Variants in MYRIP observed in about 807,000 individuals in gnomAD.
MYRIP encodes rab effector MyRIP.
Under a neutral mutation model 98.0 loss-of-function variants are expected in MYRIP, and 49 were observed. The observed-to-expected ratio is 0.50, with a 90% confidence interval of 0.40 to 0.63. The LOEUF (loss-of-function observed/expected upper bound fraction) is 0.63. Among genes scored for constraint, MYRIP ranks in the 30% least tolerant of loss-of-function variants. The pLI is 0.00. For missense variants in MYRIP, 1,004 were observed against 1,058.2 expected (o/e 0.95, Z 0.71); for synonymous variants, 404 against 409.5 (o/e 0.99, Z 0.16).
rs1341303765 is a variant in MYRIP at position 40,089,537 on chromosome 3, C to T, written c.332+45266C>T. Reference sequence around the variant, plus strand: ...AGTAACATAGCAGTGGAACTGGAGTCCTAGATAGGCTGTGCCTAAATGCTA... The same window carrying T: ...AGTAACATAGCAGTGGAACTGGAGTTCTAGATAGGCTGTGCCTAAATGCTA... On this transcript the variant is annotated intron_variant, in intron 3 of 16. Coordinates refer to ENST00000302541, the MANE Select transcript of MYRIP (RefSeq NM_015460.4). 5.9e-5 allele frequency among the ~76,000 whole-genome samples: 9 copies of T among 152,224 alleles called. No homozygotes were observed. In the East Asian group the frequency reaches 1.7e-3, roughly 30 times the overall value.
chr3:40,248,306 C>G (rs1953266872), intron 13 of MYRIP: 1 of 152,160 alleles, frequency 6.6e-6, no homozygotes, highest in Non-Finnish European at 1.5e-5. Flanking sequence ...TATGAGAGTT[C>G]CTGGAGAAAG....
intron 1 of MYRIP, among the ~76,000 whole-genome samples, chr3:39,897,020 G>C (rs1943625576): frequency 6.6e-6 from 1 of 152,104 alleles, no homozygotes. Flanking sequence ...TTCTTCTGAA[G>C]CTCATCTAAC....
chr3:40,163,723 A>C (rs567862301), intron 5 of MYRIP, among the ~76,000 whole-genome samples: 2 of 151,908 alleles, frequency 1.3e-5, no homozygotes, highest in Middle Eastern at 3.2e-3. Flanking sequence ...GAATTATACC[A>C]CTGCTCTTAT....
At chr3:39,965,762 C>A (rs1049004321) in intron 2 of MYRIP, among the ~76,000 whole-genome samples, 2 of 152,070 alleles carry the variant, frequency 1.3e-5, no homozygotes, top group Admixed American at 1.3e-4. Context: ...TAATCACACC[C>A]ACAAAATACC....
chr3:39,843,018 G>A (rs1322035049), intron 1 of MYRIP, among the ~76,000 whole-genome samples: 11 of 152,214 alleles, frequency 7.2e-5, no homozygotes, highest in Admixed American at 7.2e-4. Context: ...ACCTCCTGCT[G>A]ATGGAGGATG....
At chr3:40,031,166 G>A (rs772166155) in intron 2 of MYRIP, among the ~76,000 whole-genome samples, 4 of 152,008 alleles carry the variant, frequency 2.6e-5, no homozygotes, top group Admixed American at 6.6e-5. Context: ...GTGTCTGTCC[G>A]CTTCCTGGTT....
At chr3:40,012,951 C>A (rs193070439) in intron 2 of MYRIP, among the ~76,000 whole-genome samples, 1 of 152,206 alleles carries the variant, frequency 6.6e-6, no homozygotes, top group Non-Finnish European at 1.5e-5. Context: ...AAAACCACAT[C>A]ACACCTGCAT....
intron 2 of MYRIP, among the ~76,000 whole-genome samples, chr3:39,993,880 T>C (rs1171603956): frequency 6.6e-6 from 1 of 152,210 alleles, no homozygotes; most frequent in South Asian, 2.1e-4. Context: ...CTGTCAACCT[T>C]CTCATTACTC....
chr3:40,025,428 T>C (rs767219432), intron 2 of MYRIP, among the ~76,000 whole-genome samples: 2 of 152,100 alleles, frequency 1.3e-5, no homozygotes, highest in Non-Finnish European at 2.9e-5. Context: ...GGGAGAGTGA[T>C]ATTACCCATG....
rs956597428 is a variant in MYRIP, at chr3:40,176,655, C to T, written c.874-5565C>T. On this transcript the variant is annotated intron_variant, in intron 8 of 16. Transcript: ENST00000302541. ...GTGCCCAGGTGCTCACGCCTGTAATCGCAGCACTTTGGGAGGCCAAGGTGG... is the reference window on the plus strand; with the variant it reads ...GTGCCCAGGTGCTCACGCCTGTAATTGCAGCACTTTGGGAGGCCAAGGTGG... Among the ~76,000 whole-genome samples, 5 of 152,192 alleles carry T rather than the reference C, an allele frequency of 3.3e-5. No homozygotes were observed. The South Asian group carries it at 8.3e-4, about 25-fold the overall frequency.
chr3:40,190,361 C>T lies in MYRIP; in HGVS notation c.1563C>T (p.Asp521=), dbSNP rs749029630. ...SEPEEAPHTT[D]RRARRWRRAR... is the part of the protein sequence containing the mutation. Reference sequence around the variant, plus strand: ...CGGAGGAGGCCCCCCACACCACAGACCGGCGGGCCAGGAGGTGGAGAAGAG... The same window carrying T: ...CGGAGGAGGCCCCCCACACCACAGATCGGCGGGCCAGGAGGTGGAGAAGAG... Residue 521 remains aspartate (D), a synonymous_variant, in exon 10 of 17, where the codon GAC becomes GAT. Transcript: ENST00000302541. 1.1e-5 allele frequency: 18 copies of T among 1,613,740 alleles called. No homozygotes were observed. The South Asian group carries it at 1.5e-4, about 14-fold the overall frequency.
chr3:40,244,301 T>A, intron 12 of MYRIP, 145 bp from the exon 13 acceptor site: 1 of 637,166 alleles, frequency 1.6e-6, no homozygotes, highest in Non-Finnish European at 2.5e-6. Context: ...GTGAAGAACG[T>A]TTATAAATGT....
intron 2 of MYRIP, among the ~76,000 whole-genome samples, chr3:39,976,779 A>C (rs1575430075): frequency 6.6e-6 from 1 of 152,182 alleles, no homozygotes; most frequent in East Asian, 1.9e-4. Flanking sequence ...CATCATTCTT[A>C]GCAAACTATC....
In MYRIP at chr3:39,959,992, T is replaced by A. The variant is rs573157843; in HGVS notation, c.110+59066T>A. ...GTAGGAAAAAAGACTTTGTTGTGTATAGCAAAGAAGGAACTGGCATCAGCT... is the reference window on the plus strand; with the variant it reads ...GTAGGAAAAAAGACTTTGTTGTGTAAAGCAAAGAAGGAACTGGCATCAGCT... On this transcript the variant is annotated intron_variant, in intron 2 of 16. Coordinates refer to ENST00000302541, the MANE Select transcript of MYRIP (RefSeq NM_015460.4). 6.6e-5 allele frequency among the ~76,000 whole-genome samples: 10 copies of A among 152,198 alleles called. No homozygotes were observed. The East Asian group carries it at 1.7e-3, about 27-fold the overall frequency.
At chr3:39,931,055 CGAT>C (rs1225770122) in intron 2 of MYRIP, among the ~76,000 whole-genome samples, 1 of 151,802 alleles carries the variant, frequency 6.6e-6, no homozygotes, top group Non-Finnish European at 1.5e-5. Context: ...ATGCAAAAAT[CGAT>C]AACAAAAGAA....
intron 3 of MYRIP, among the ~76,000 whole-genome samples, chr3:40,062,061 T>A (rs1437514691): frequency 6.6e-6 from 1 of 152,224 alleles, no homozygotes; most frequent in East Asian, 1.9e-4. Flanking sequence ...CTCTTTACTC[T>A]GATAGTTTCT....
In MYRIP at chr3:39,863,056, CT is replaced by C. The variant is rs1942518381; in HGVS notation, c.-30-37727del. On this transcript the variant is annotated intron_variant, in intron 1 of 16. Transcript: ENST00000302541. ...ATTAACCCTCCCCTTGAATGAATGA[CT>C]TTTGGGTAAATAATGAAATTAATGC... is the stretch of plus-strand genomic sequence containing the variant. Among the ~76,000 whole-genome samples the C allele has an allele frequency of 1.3e-5, 2 of 152,204 alleles. 1 individual carries two copies. Among genetic ancestry groups the C allele is most frequent in the African/African-American group, 4.8e-5 (2 of 41,554 alleles).
intron 3 of MYRIP, among the ~76,000 whole-genome samples, chr3:40,130,622 C>T (rs868363211): frequency 4.6e-5 from 7 of 151,872 alleles, no homozygotes; most frequent in Admixed American, 1.3e-4. Context: ...CCTCGTGATC[C>T]GCCCGCCTCG....
At chr3:39,870,599 C>G (rs189148598) in intron 1 of MYRIP, among the ~76,000 whole-genome samples, 3 of 152,084 alleles carry the variant, frequency 2.0e-5, no homozygotes. Flanking sequence ...ACTTAGCATT[C>G]ATGTTTTTTC....
Sources: allele counts gnomAD v4.1 joint callset (sites outside exome capture counted in the v4.1 genomes callset), GRCh38; gene constraint gnomAD v4.1.1; transcripts MANE v1.5; gene names NCBI Gene and HGNC (gene_info 2026-07-23, HGNC 2026-07-21).